Variants in HELZ observed in about 807,000 individuals in gnomAD.
The protein encoded by HELZ is ATP-dependent RNA helicase with zinc finger domain.
Under a neutral mutation model 218.2 loss-of-function variants are expected in HELZ, and 23 were observed. The ratio of observed to expected loss-of-function variants is 0.11; its 90% CI spans 0.08 to 0.15. The LOEUF (loss-of-function observed/expected upper bound fraction) is 0.15, where lower values mean the gene tolerates loss of function less well. Among genes scored for constraint, HELZ ranks in the 10% least tolerant of loss-of-function variants. The pLI, the probability that HELZ is intolerant of heterozygous loss-of-function variation, is 1.00. For synonymous variants in HELZ, 814 were observed against 829.4 expected (o/e 0.98, Z 0.32); for missense variants, 1,813 against 2,353.7 (o/e 0.77, Z 4.75).
chr17:67,228,686 G>A (rs972492569), intron 3 of HELZ, among the ~76,000 whole-genome samples: 2 of 150,310 alleles, frequency 1.3e-5, no homozygotes, highest in Non-Finnish European at 3.0e-5. Context: ...TTATTGTGAC[G>A]AAAGAAAAGC....
In HELZ at chr17:67,136,026, T is replaced by C. The variant is rs1339251676; in HGVS notation, c.3126A>G (p.Gln1042=). Residue 1042 remains glutamine (Q), a synonymous_variant, in exon 23 of 33, where the codon CAA becomes CAG. Coordinates refer to ENST00000358691, the MANE Select transcript of HELZ (RefSeq NM_014877.4). ...GATCACCCACCACAGCAACCAGGGA[T>C]TGTGCTCTTGTGATGGCAGTATTGA... ...KLLNTAITRA[Q]SLVAVVGDPI... is the part of the protein sequence containing the mutation. The C allele has an allele frequency of 1.9e-6, 3 of 1,613,950 alleles. No individual in the cohort carries two copies. Among genetic ancestry groups the C allele is most frequent in the Non-Finnish European group, 1.7e-6 (2 of 1,179,914 alleles).
Position 67,229,378 on chromosome 17 carries a change from C to T in HELZ, c.-19+10055G>A, listed in dbSNP as rs561754825. Among the ~76,000 whole-genome samples, 20 of 152,216 alleles carry T rather than the reference C, an allele frequency of 1.3e-4. No homozygotes were observed. In the South Asian group the frequency reaches 3.5e-3, roughly 27 times the overall value. ...GACCTAAATCCTACCCAGATTTTAA[C>T]GAATGCTTCAACATCTACTTCTCTA... On this transcript the variant is annotated intron_variant, in intron 3 of 32. Transcript: ENST00000358691.
chr17:67,091,602 T>G (rs1009659944), intron 31 of HELZ, among the ~76,000 whole-genome samples: 17 of 152,168 alleles, frequency 1.1e-4, no homozygotes, highest in Non-Finnish European at 8.8e-5. Context: ...ATCTGATCAC[T>G]GAAACATACT....
intron 21 of HELZ, among the ~76,000 whole-genome samples, chr17:67,144,302 G>A (rs1391592397): frequency 1.3e-5 from 2 of 152,010 alleles, no homozygotes; most frequent in African/African-American, 4.8e-5. Flanking sequence ...GAGTCCTGGA[G>A]CAATGTGTCT....
intron 5 of HELZ, among the ~76,000 whole-genome samples, chr17:67,204,284 C>T (rs1429718609): frequency 6.6e-6 from 1 of 152,038 alleles, no homozygotes; most frequent in Non-Finnish European, 1.5e-5. Context: ...ATGAATATAT[C>T]TTCTCCTATT....
Position 67,074,025 on chromosome 17 carries a change from T to C in HELZ, c.*4227A>G, listed in dbSNP as rs1241533534. On this transcript the variant is annotated 3_prime_UTR_variant, in exon 33 of 33. Coordinates refer to ENST00000358691, the MANE Select transcript of HELZ (RefSeq NM_014877.4). The stretch of plus-strand genomic sequence containing the variant: ...GATATTTTGAACAAGAAATCGTAGA[T>C]AGAACATTACCTATTCTTTCTAATT... 1.3e-5 allele frequency: 2 copies of C among 152,218 alleles called. No individual in the cohort carries two copies. Among genetic ancestry groups the C allele is most frequent in the African/African-American group, 4.8e-5 (2 of 41,464 alleles). 9.4% of individuals were successfully genotyped at this position (152,218 alleles called of 1,614,324 possible). A position where few individuals can be genotyped will look rare whatever the true frequency, so the allele number is the denominator to read the frequency against.
intron 1 of HELZ, chr17:67,244,925 A>C: frequency 1.0e-6 from 1 of 985,790 alleles, no homozygotes; most frequent in African/African-American, 1.7e-5. Context: ...GGGGAAGGGG[A>C]CTAAGTAGGG....
intron 31 of HELZ, among the ~76,000 whole-genome samples, chr17:67,088,132 T>C (rs759445984): frequency 2.6e-5 from 4 of 152,246 alleles, no homozygotes; most frequent in Admixed American, 6.5e-5. Context: ...GAAGGGTTCA[T>C]TGCTATATAA....
intron 21 of HELZ, among the ~76,000 whole-genome samples, chr17:67,139,746 C>T (rs1372516414): frequency 1.3e-5 from 2 of 152,202 alleles, no homozygotes; most frequent in East Asian, 3.9e-4. Context: ...TGCCCCCTTT[C>T]CCCCACAGCT....
chr17:67,142,508 AAAAAC>A (rs746097606), intron 21 of HELZ, among the ~76,000 whole-genome samples: 15 of 152,146 alleles, frequency 9.9e-5, no homozygotes, highest in Non-Finnish European at 5.9e-5. Flanking sequence ...ACCCTGTCTC[AAAAAC>A]AAAACAAAAC....
chr17:67,079,157 C>T (rs2036108527), intron 32 of HELZ, among the ~76,000 whole-genome samples: 2 of 152,198 alleles, frequency 1.3e-5, no homozygotes, highest in African/African-American at 4.8e-5. Context: ...TGACTCCATC[C>T]TTCCTAACCA....
At position 67,160,268 on chromosome 17, in the gene HELZ, G is replaced by C. The variant is rs930318421; in HGVS notation, c.2170C>G (p.Pro724Ala). 3 of 1,584,282 alleles carry C rather than the reference G, an allele frequency of 1.9e-6. No homozygotes were observed. The African/African-American group carries it at 4.0e-5, about 21-fold the overall frequency. ...YVEAGNPQAR[P>A]LRVYFRNRWV... ...AAGCCTTAAAAAAAATACCTGAGAGGTCTTGCCTGGGGATTGCCTGCTTCT... is the reference window on the plus strand; with the variant it reads ...AAGCCTTAAAAAAAATACCTGAGAGCTCTTGCCTGGGGATTGCCTGCTTCT... Residue 724 changes from proline to alanine, a missense_variant, in exon 17 of 33, where the codon CCT becomes GCT. Pro to Ala is a conservative substitution (Grantham distance 27). Around this residue, in one of 4 missense-constraint regions of HELZ, gnomAD observed 714 missense variants for 1,029.2 expected, o/e 0.69. Coordinates refer to ENST00000358691, the MANE Select transcript of HELZ (RefSeq NM_014877.4).
chr17:67,205,208 C>T (rs544162574), intron 5 of HELZ, among the ~76,000 whole-genome samples: 1 of 152,054 alleles, frequency 6.6e-6, no homozygotes, highest in East Asian at 1.9e-4. Context: ...CACCTGTAAT[C>T]CCAGCTACTC....
At chr17:67,091,269 A>C (rs905473363) in intron 31 of HELZ, among the ~76,000 whole-genome samples, 4 of 152,126 alleles carry the variant, frequency 2.6e-5, no homozygotes, top group African/African-American at 9.6e-5. Context: ...AAGTGAAAAA[A>C]GAAGGGGAAA....
At chr17:67,080,861 C>T (rs1423369312) in intron 32 of HELZ, among the ~76,000 whole-genome samples, 1 of 152,110 alleles carries the variant, frequency 6.6e-6, no homozygotes, top group Non-Finnish European at 1.5e-5. Context: ...TAGGAGGGCA[C>T]AGGAGAGACT....
chr17:67,211,353 T>C (rs1323277548), intron 5 of HELZ, among the ~76,000 whole-genome samples: 1 of 152,144 alleles, frequency 6.6e-6, no homozygotes. Context: ...AATAATAATA[T>C]TGTGGTTATG....
chr17:67,242,605 A>C (rs1221985445), intron 2 of HELZ, among the ~76,000 whole-genome samples: 2 of 150,828 alleles, frequency 1.3e-5, no homozygotes, highest in Non-Finnish European at 2.9e-5. Context: ...TAAAGTTCAA[A>C]TTGGGAGGTC....
In HELZ at chr17:67,150,216, T is replaced by G. The variant is rs557629163; in HGVS notation, c.2357-231A>C. ...AGTGCTATATGATCACAGCTCACTG[T>G]AGCCTCGGGCTCAGGTGATCCTCCA... On this transcript the variant is annotated intron_variant, in intron 18 of 32. Transcript: ENST00000358691. The G allele has an allele frequency of 1.0e-4, 32 of 309,472 alleles. 1 individual carries two copies. In the South Asian group the frequency reaches 1.4e-3, roughly 14 times the overall value. The allele number at this position is 309,472 out of a possible 1,614,324, so 19.2% of individuals were successfully genotyped here.
chr17:67,120,732 T>C (rs1329997932), intron 26 of HELZ, 120 bp from the exon 27 acceptor site: 2 of 658,322 alleles, frequency 3.0e-6, no homozygotes, highest in Non-Finnish European at 5.3e-6. Flanking sequence ...CACACACAGA[T>C]GTTAATTTTC....
Sources: gnomAD v4.1 joint callset for allele counts (sites outside exome capture counted in the v4.1 genomes callset) on GRCh38, gnomAD v4.1.1 for gene constraint, gnomAD v4.1.1 regional missense constraint, MANE v1.5 for transcripts, NCBI Gene and HGNC (gene_info 2026-07-23, HGNC 2026-07-21) for gene names.